Variants in DDHD1 observed in about 807,000 individuals in gnomAD.
DDHD1 encodes phospholipase DDHD1.
In DDHD1, 49 loss-of-function variants were observed where a neutral mutation model predicts 96.4. The observed-to-expected ratio is 0.51, with a 90% confidence interval of 0.40 to 0.64. The LOEUF (loss-of-function observed/expected upper bound fraction) is 0.64, where lower values mean the gene tolerates loss of function less well. Among genes scored for constraint, DDHD1 ranks in the 30% least tolerant of loss-of-function variants. The probability of loss-of-function intolerance (pLI) is 0.00; values close to 1 mark genes in which losing one functional copy is unlikely to be tolerated. For synonymous variants in DDHD1, 442 were observed against 446.5 expected (o/e 0.99, Z 0.13); for missense variants, 1,106 against 1,161.2 (o/e 0.95, Z 0.69).
chr14:53,116,256 G>C (rs1244216987), intron 1 of DDHD1, among the ~76,000 whole-genome samples: 3 of 152,142 alleles, frequency 2.0e-5, no homozygotes, highest in Non-Finnish European at 2.9e-5. Context: ...AGAGACTTAA[G>C]ACTCCCACAC....
chr14:53,104,550 A>G (rs1887545806), intron 1 of DDHD1, among the ~76,000 whole-genome samples: 1 of 152,176 alleles, frequency 6.6e-6, no homozygotes, highest in Non-Finnish European at 1.5e-5. Flanking sequence ...GCTGCCTTGG[A>G]GACTAGAGGC....
intron 12 of DDHD1, among the ~76,000 whole-genome samples, chr14:53,050,465 T>C (rs1882442231): frequency 6.6e-6 from 1 of 152,136 alleles, no homozygotes; most frequent in Non-Finnish European, 1.5e-5. Flanking sequence ...GAGACCTTTC[T>C]CCAGGTGAAA....
At chr14:53,097,997 T>C (rs1887015216) in intron 2 of DDHD1, among the ~76,000 whole-genome samples, 1 of 151,962 alleles carries the variant, frequency 6.6e-6, no homozygotes, top group Non-Finnish European at 1.5e-5. Flanking sequence ...TTATTACACA[T>C]CCTGTAGCAT....
chr14:53,038,995 C>T lies in DDHD1; in HGVS notation c.*7773G>A, dbSNP rs1417561248. The T allele has an allele frequency of 6.6e-6, 1 of 152,174 alleles. No individual in the cohort carries two copies. The highest frequency in any genetic ancestry group is 1.5e-5 in the Non-Finnish European group (1 of 68,030). 9.4% of individuals were successfully genotyped at this position (152,174 alleles called of 1,614,324 possible). A position where few individuals can be genotyped will look rare whatever the true frequency, so the allele number is the denominator to read the frequency against. ...GTAATTAACTTCAACCAGGGGATCA[C>T]AAGACATTATCTTCAAAGACAACTT... On this transcript the variant is annotated 3_prime_UTR_variant, in exon 13 of 13. Coordinates refer to ENST00000673822, the MANE Select transcript of DDHD1 (RefSeq NM_001160148.2).
At chr14:53,105,885 T>C (rs1196756554) in intron 1 of DDHD1, among the ~76,000 whole-genome samples, 1 of 152,192 alleles carries the variant, frequency 6.6e-6, no homozygotes, top group African/African-American at 2.4e-5. Context: ...GCTATTTTTT[T>C]ATTTTTTGTA....
At chr14:53,093,597 G>T (rs1399299179) in intron 2 of DDHD1, 153 bp from the exon 3 acceptor site, 1 of 956,488 alleles carries the variant, frequency 1.0e-6, no homozygotes, top group African/African-American at 1.7e-5. Context: ...CATAAAAAAA[G>T]TTATGTGAAG....
intron 1 of DDHD1, among the ~76,000 whole-genome samples, chr14:53,107,900 T>A (rs535319033): frequency 1.3e-5 from 2 of 152,108 alleles, no homozygotes; most frequent in Non-Finnish European, 2.9e-5. Flanking sequence ...AAAAAGCTAA[T>A]TAGGCAAAAA....
rs889485249 is a variant in DDHD1, at chr14:53,041,263, T to C, written c.*5505A>G. The stretch of plus-strand genomic sequence containing the variant: ...GAAGCAAGTTGTACCATGTTACATA[T>C]AAATGAAAAACCATAAGGTAGCAGA... On this transcript the variant is annotated 3_prime_UTR_variant, in exon 13 of 13. Coordinates refer to ENST00000673822, the MANE Select transcript of DDHD1 (RefSeq NM_001160148.2). 1.3e-5 allele frequency: 2 copies of C among 152,090 alleles called. No individual in the cohort carries two copies. The highest frequency in any genetic ancestry group is 4.8e-5 in the African/African-American group (2 of 41,428). 9.4% of individuals were successfully genotyped at this position (152,090 alleles called of 1,614,324 possible). A position where few individuals can be genotyped will look rare whatever the true frequency, so the allele number is the denominator to read the frequency against.
intron 1 of DDHD1, among the ~76,000 whole-genome samples, chr14:53,137,204 T>G (rs1273182298): frequency 6.6e-6 from 1 of 152,214 alleles, no homozygotes; most frequent in African/African-American, 2.4e-5. Flanking sequence ...GTGAAATTCT[T>G]CAAAGTCATA....
rs921400491 is a variant in DDHD1 at position 53,040,505 on chromosome 14, G to A, written c.*6263C>T. The A allele has an allele frequency of 6.6e-6, 1 of 152,178 alleles. No homozygotes were observed. The highest frequency in any genetic ancestry group is 1.9e-4 in the East Asian group (1 of 5,188). 9.4% of individuals were successfully genotyped at this position (152,178 alleles called of 1,614,324 possible). ...TTTCGGGTGAGCAAGATAACAAACG[G>A]ATCAATTCAGCTAGAGAAACACAGT... On this transcript the variant is annotated 3_prime_UTR_variant, in exon 13 of 13. Transcript: ENST00000673822.
chr14:53,140,212 C>T (rs1374076018), intron 1 of DDHD1, among the ~76,000 whole-genome samples: 1 of 152,104 alleles, frequency 6.6e-6, no homozygotes, highest in African/African-American at 2.4e-5. Flanking sequence ...ATCAAATGAT[C>T]TAACATACAT....
Position 53,093,374 on chromosome 14 carries a change from A to T in DDHD1, c.1083T>A (p.Ser361Arg). 6.2e-7 allele frequency: 1 copy of T among 1,612,766 alleles called. No individual in the cohort carries two copies. The highest frequency in any genetic ancestry group is 1.1e-5 in the South Asian group (1 of 90,576). The stretch of plus-strand genomic sequence containing the variant: ...TTGCAATTTTAGATGTTGTTGCATC[A>T]CTATAAAGATATACTTCATCCACAC... ...WHSVDEVYLY[S>R]DATTSKIART... is the part of the protein sequence containing the mutation. The change falls in exon 3 of 13, where the codon AGT becomes AGA. Residue 361 changes from serine to arginine, a missense_variant. Around this residue, in one of 2 missense-constraint regions of DDHD1, gnomAD observed 650 missense variants for 758.8 expected, o/e 0.86. Coordinates refer to ENST00000673822, the MANE Select transcript of DDHD1 (RefSeq NM_001160148.2).
chr14:53,091,197 T>C (rs1201227871), intron 4 of DDHD1, among the ~76,000 whole-genome samples: 1 of 152,202 alleles, frequency 6.6e-6, no homozygotes, highest in African/African-American at 2.4e-5. Context: ...TTCAACAAAG[T>C]TGTTAATGTT....
At chr14:53,052,286 T>C (rs1018647421) in intron 11 of DDHD1, among the ~76,000 whole-genome samples, 7 of 152,170 alleles carry the variant, frequency 4.6e-5, no homozygotes, top group African/African-American at 1.4e-4. Flanking sequence ...ATGCTTCAAC[T>C]GGATGAAAAT....
chr14:53,110,287 C>A lies in DDHD1; in HGVS notation c.839-6431G>T, dbSNP rs552205823. Among the ~76,000 whole-genome samples, 19 of 152,292 alleles carry A rather than the reference C, an allele frequency of 1.2e-4. No homozygotes were observed. In the East Asian group the frequency reaches 3.3e-3, roughly 26 times the overall value. On this transcript the variant is annotated intron_variant, in intron 1 of 12. Coordinates refer to ENST00000673822, the MANE Select transcript of DDHD1 (RefSeq NM_001160148.2). ...GAAGCCTCCTACGTAAACTCAGTAT[C>A]CCTAGTTTCAACTCTACAACACTCT...
chr14:53,117,344 G>A (rs180959502), intron 1 of DDHD1, among the ~76,000 whole-genome samples: 124 of 152,228 alleles, frequency 8.1e-4, no homozygotes, highest in African/African-American at 2.8e-3. Flanking sequence ...GTGGGGCGTC[G>A]CCTCACCCAG....
chr14:53,068,373 G>A (rs960261731), intron 6 of DDHD1, among the ~76,000 whole-genome samples: 12 of 149,100 alleles, frequency 8.0e-5, no homozygotes, highest in African/African-American at 3.0e-4. Context: ...AGCATTCCGA[G>A]TAGCTAGGAC....
At chr14:53,102,378 T>C (rs1159188063) in intron 2 of DDHD1, among the ~76,000 whole-genome samples, 1 of 152,084 alleles carries the variant, frequency 6.6e-6, no homozygotes, top group Non-Finnish European at 1.5e-5. Context: ...TATTGATATG[T>C]AAGAACCTTT....
In DDHD1 at chr14:53,044,517, T is replaced by TC. The variant is rs1464580934; in HGVS notation, c.*2250dup. The TC allele has an allele frequency of 6.6e-6, 1 of 152,146 alleles. No individual in the cohort carries two copies. Among genetic ancestry groups the TC allele is most frequent in the African/African-American group, 2.4e-5 (1 of 41,438 alleles). The allele number at this position is 152,146 out of a possible 1,614,324, so 9.4% of individuals were successfully genotyped here. ...TCATACCACCTACAGCAACATACGC[T>TC]CAAGTACCTTTAACGATACAGTCAT... On this transcript the variant is annotated 3_prime_UTR_variant, in exon 13 of 13. Coordinates refer to ENST00000673822, the MANE Select transcript of DDHD1 (RefSeq NM_001160148.2).
Sources: gnomAD v4.1 joint callset for allele counts (sites outside exome capture counted in the v4.1 genomes callset) on GRCh38, gnomAD v4.1.1 for gene constraint, gnomAD v4.1.1 regional missense constraint, MANE v1.5 for transcripts, NCBI Gene and HGNC (gene_info 2026-07-23, HGNC 2026-07-21) for gene names.